The following SPAG16 variants were observed in gnomAD, a reference collection of about 807,000 sequenced individuals.
SPAG16 encodes the protein sperm-associated antigen 16 protein.
In SPAG16, 86 loss-of-function variants were observed where a neutral mutation model predicts 80.4. That is an observed-to-expected ratio of 1.07 (90% CI 0.90 to 1.28). SPAG16 has a LOEUF of 1.28. Among genes scored for constraint, SPAG16 ranks in the 50% most tolerant of loss-of-function variants. SPAG16 has a pLI of 0.00. For missense variants in SPAG16, 870 were observed against 765.3 expected, an observed-to-expected ratio of 1.14 and a Z score of -1.61; for synonymous variants, 294 against 265.9, an observed-to-expected ratio of 1.11 and a Z score of -1.03.
chr2:213,550,690 A>G (rs1431089190), intron 10 of SPAG16, among the ~76,000 whole-genome samples: 1 of 152,134 alleles, frequency 6.6e-6, no homozygotes, highest in Non-Finnish European at 1.5e-5. Context: ...ACTGTTACAA[A>G]TATTATGTTC....
chr2:214,374,017 T>C (rs1699975670), intron 15 of SPAG16, among the ~76,000 whole-genome samples: 1 of 152,028 alleles, frequency 6.6e-6, no homozygotes, highest in African/African-American at 2.4e-5. Flanking sequence ...GCTAGAAAAA[T>C]TAGAATATAG....
At chr2:214,026,627 A>G (rs1291509687) in intron 13 of SPAG16, among the ~76,000 whole-genome samples, 2 of 151,536 alleles carry the variant, frequency 1.3e-5, no homozygotes, top group Non-Finnish European at 3.0e-5. Flanking sequence ...TATTTGGTAA[A>G]TAAAGTTATT....
rs190105049 is a variant in SPAG16, at chr2:213,330,812, T to C, written c.537-9351T>C. ...GTGGGAGGGACCCAGTGGGAGGTAA[T>C]TGAATCATGGGGGCAGGTCTTTCTC... On this transcript the variant is annotated intron_variant, in intron 5 of 15. Transcript: ENST00000331683. Among the ~76,000 whole-genome samples, 12 of 152,250 alleles carry C rather than the reference T, an allele frequency of 7.9e-5. No individual in the cohort carries two copies. The East Asian group carries it at 2.1e-3, about 27-fold the overall frequency.
At chr2:214,206,581 T>C (rs551869734) in intron 15 of SPAG16, among the ~76,000 whole-genome samples, 1 of 152,314 alleles carries the variant, frequency 6.6e-6, no homozygotes, top group Non-Finnish European at 1.5e-5. Flanking sequence ...GCAGTAAACA[T>C]GGGAGTACAG....
chr2:214,227,477 G>A (rs2058722159), intron 15 of SPAG16, among the ~76,000 whole-genome samples: 1 of 151,890 alleles, frequency 6.6e-6, no homozygotes, highest in South Asian at 2.1e-4. Flanking sequence ...GCTTTTGCCA[G>A]TTAGGACTCC....
rs148290998 is a variant in SPAG16 at position 213,378,791 on chromosome 2, C to G, written c.942+3672C>G. On this transcript the variant is annotated intron_variant, in intron 9 of 15. Transcript: ENST00000331683. ...TTCCTGGTGGAGTGACCCAAACCTT[C>G]ATTCCTGAAGGGTCTGGGCCATATG... Among the ~76,000 whole-genome samples, 20 of 152,318 alleles carry G rather than the reference C, an allele frequency of 1.3e-4. No individual in the cohort carries two copies. The East Asian group carries it at 3.9e-3, about 29-fold the overall frequency.
chr2:214,404,530 G>T (rs143299333), intron 15 of SPAG16, among the ~76,000 whole-genome samples: 37 of 152,244 alleles, frequency 2.4e-4, no homozygotes, highest in Non-Finnish European at 4.4e-4. Flanking sequence ...AATATAGGTA[G>T]ATTTAAAAGT....
intron 4 of SPAG16, among the ~76,000 whole-genome samples, chr2:213,316,408 A>G (rs1188875883): frequency 2.0e-5 from 3 of 152,072 alleles, no homozygotes; most frequent in African/African-American, 4.8e-5. Flanking sequence ...GACTACTGCA[A>G]TAGCCTGCTA....
chr2:214,138,736 A>G (rs997954873), intron 14 of SPAG16, among the ~76,000 whole-genome samples: 1 of 152,090 alleles, frequency 6.6e-6, no homozygotes, highest in Non-Finnish European at 1.5e-5. Flanking sequence ...CATATTACAC[A>G]TTTTCTGAAA....
intron 15 of SPAG16, among the ~76,000 whole-genome samples, chr2:214,222,665 T>C (rs1281185640): frequency 6.6e-6 from 1 of 152,212 alleles, no homozygotes; most frequent in Non-Finnish European, 1.5e-5. Context: ...GTAATTATCA[T>C]GAACAGTGTC....
At chr2:214,121,545 TGACAAAA>T (rs2054221076) in intron 14 of SPAG16, among the ~76,000 whole-genome samples, 1 of 151,798 alleles carries the variant, frequency 6.6e-6, no homozygotes, top group African/African-American at 2.4e-5. Context: ...TTAAAATGAG[TGACAAAA>T]GAACAGAGAA....
chr2:214,099,922 A>C (rs2052885634), intron 13 of SPAG16, among the ~76,000 whole-genome samples: 1 of 152,090 alleles, frequency 6.6e-6, no homozygotes, highest in African/African-American at 2.4e-5. Flanking sequence ...CCTAAGATTT[A>C]TGCATTTTAG....
intron 1 of SPAG16, among the ~76,000 whole-genome samples, chr2:213,291,297 C>T (rs2126056118): frequency 6.6e-6 from 1 of 152,326 alleles, no homozygotes; most frequent in South Asian, 2.1e-4. Flanking sequence ...GTGCACCTGT[C>T]CCTACTGCCA....
At chr2:213,936,058 G>A (rs1212248594) in intron 12 of SPAG16, among the ~76,000 whole-genome samples, 2 of 152,116 alleles carry the variant, frequency 1.3e-5, no homozygotes, top group African/African-American at 4.8e-5. Context: ...ATTTTAAACA[G>A]GAAGGTCGAG....
At chr2:214,078,227 A>G (rs1027114690) in intron 13 of SPAG16, among the ~76,000 whole-genome samples, 3 of 152,068 alleles carry the variant, frequency 2.0e-5, no homozygotes, top group Non-Finnish European at 4.4e-5. Context: ...GACCCCAAAA[A>G]TATCTGACAA....
chr2:213,821,362 A>G (rs1396809072), intron 10 of SPAG16, among the ~76,000 whole-genome samples: 1 of 152,094 alleles, frequency 6.6e-6, no homozygotes, highest in African/African-American at 2.4e-5. Context: ...TGCAATTTTA[A>G]AATTTTATTT....
chr2:214,092,609 T>G (rs2052295312), intron 13 of SPAG16, among the ~76,000 whole-genome samples: 1 of 152,000 alleles, frequency 6.6e-6, no homozygotes, highest in Admixed American at 6.6e-5. Context: ...TTGTATCTTT[T>G]GCCATGGAAA....
intron 15 of SPAG16, among the ~76,000 whole-genome samples, chr2:214,236,757 A>T (rs373737566): frequency 1.2e-4 from 19 of 152,256 alleles, no homozygotes; most frequent in African/African-American, 4.1e-4. Context: ...GGATTTTTAG[A>T]TCATGAGGTT....
chr2:213,869,395 A>G (rs1052879027), intron 11 of SPAG16, among the ~76,000 whole-genome samples: 2 of 149,936 alleles, frequency 1.3e-5, no homozygotes, highest in African/African-American at 4.9e-5. Context: ...TTAATAATAC[A>G]GATATTGATA....
Sources: gnomAD v4.1 joint callset for allele counts (sites outside exome capture counted in the v4.1 genomes callset) on GRCh38, gnomAD v4.1.1 for gene constraint, MANE v1.5 for transcripts, NCBI Gene and HGNC (gene_info 2026-07-23, HGNC 2026-07-21) for gene names.